The following RAD51B variants were observed in gnomAD, a reference collection of about 807,000 sequenced individuals.
RAD51B encodes the protein RAD51 paralog B.
RAD51B carries 38 observed loss-of-function variants against 42.2 expected under a neutral mutation model. The observed-to-expected ratio is 0.90, with a 90% CI of 0.70 to 1.18. RAD51B has a LOEUF of 1.18. Among genes scored for constraint, RAD51B ranks in the 50% most tolerant of loss-of-function variants. The pLI, the probability that RAD51B is intolerant of heterozygous loss-of-function variation, is 0.00. For missense variants in RAD51B, 373 were observed against 400.7 expected (o/e 0.93, Z 0.59); for synonymous variants, 154 against 145.2 (o/e 1.06, Z -0.43).
intron 9 of RAD51B, among the ~76,000 whole-genome samples, chr14:68,427,594 G>C (rs1239390440): frequency 6.6e-6 from 1 of 152,146 alleles, no homozygotes; most frequent in Non-Finnish European, 1.5e-5. Flanking sequence ...TCTATCCTAT[G>C]CCTTTCCTAT....
intron 9 of RAD51B, among the ~76,000 whole-genome samples, chr14:68,433,741 T>C (rs1252946817): frequency 6.6e-6 from 1 of 152,252 alleles, no homozygotes; most frequent in African/African-American, 2.4e-5. Flanking sequence ...CCTTCTTCTC[T>C]CAACTCGTCA....
intron 4 of RAD51B, 114 bp downstream of exon 4, chr14:67,835,310 A>G: frequency 1.3e-6 from 1 of 795,996 alleles, no homozygotes; most frequent in Non-Finnish European, 2.1e-6. Context: ...GAATTAAATT[A>G]TAAGTACTTC....
intron 7 of RAD51B, among the ~76,000 whole-genome samples, chr14:68,007,052 C>T (rs1049049158): frequency 6.6e-6 from 1 of 152,090 alleles, no homozygotes. Context: ...GCTCCTGGCA[C>T]CCTCTAATCT....
chr14:68,370,218 G>A (rs1193638799), intron 8 of RAD51B, among the ~76,000 whole-genome samples: 1 of 152,218 alleles, frequency 6.6e-6, no homozygotes, highest in African/African-American at 2.4e-5. Context: ...CCTGTTACAA[G>A]ATCTGTCTGT....
chr14:68,619,239 C>T (rs969224106), intron 10 of RAD51B, among the ~76,000 whole-genome samples: 4 of 152,120 alleles, frequency 2.6e-5, no homozygotes, highest in Admixed American at 2.6e-4. Flanking sequence ...CTTTGGGAGG[C>T]TGAGGTGGGT....
chr14:67,824,547 C>T (rs866577797), intron 2 of RAD51B, among the ~76,000 whole-genome samples: 8 of 151,926 alleles, frequency 5.3e-5, no homozygotes, highest in African/African-American at 1.7e-4. Flanking sequence ...CATGAGCCAC[C>T]GTGCCTGGCC....
At chr14:68,461,114 TAGAG>T (rs2085833686) in intron 9 of RAD51B, among the ~76,000 whole-genome samples, 1 of 151,714 alleles carries the variant, frequency 6.6e-6, no homozygotes, top group Admixed American at 6.6e-5. Flanking sequence ...AACTAATAAT[TAGAG>T]AGTACAGATA....
At chr14:67,837,120 G>A (rs1326319845) in intron 4 of RAD51B, among the ~76,000 whole-genome samples, 4 of 151,856 alleles carry the variant, frequency 2.6e-5, no homozygotes, top group East Asian at 1.9e-4. Context: ...AAATAAATGC[G>A]TGAATTAGTT....
intron 11 of RAD51B, among the ~76,000 whole-genome samples, chr14:68,680,997 A>C (rs375062031): frequency 3.9e-5 from 6 of 152,188 alleles, no homozygotes; most frequent in African/African-American, 1.4e-4. Context: ...ACAGCTGGTC[A>C]GCCCAGGAGA....
chr14:68,480,479 G>T (rs1883090159), downstream of RAD51B, among the ~76,000 whole-genome samples: 1 of 152,142 alleles, frequency 6.6e-6, no homozygotes, highest in Non-Finnish European at 1.5e-5. Flanking sequence ...CCAATATGGG[G>T]TGACTGAGAC....
At chr14:67,823,514 G>C (rs1159650525) in intron 1 of RAD51B, 28 bp from the exon 2 acceptor site, 9 of 1,593,344 alleles carry the variant, frequency 5.6e-6, no homozygotes, top group African/African-American at 1.4e-5. Context: ...TTTTTTCATG[G>C]TTCTTCTTTT....
chr14:67,905,546 A>G (rs906248356), intron 7 of RAD51B, among the ~76,000 whole-genome samples: 5 of 152,112 alleles, frequency 3.3e-5, no homozygotes, highest in African/African-American at 9.7e-5. Context: ...ATCCATGAGC[A>G]TGGAATGTTT....
intron 7 of RAD51B, among the ~76,000 whole-genome samples, chr14:67,899,937 T>C (rs552552408): frequency 6.6e-5 from 10 of 152,354 alleles, no homozygotes; most frequent in Middle Eastern, 6.8e-3. Context: ...AATGCATGTG[T>C]TCTTATTCAT....
chr14:68,002,901 A>G (rs1464460580), intron 7 of RAD51B, among the ~76,000 whole-genome samples: 1 of 152,166 alleles, frequency 6.6e-6, no homozygotes, highest in African/African-American at 2.4e-5. Flanking sequence ...CTGTTCTTGT[A>G]CCAGTACCAT....
chr14:68,554,831 G>A (rs1369038693), intron 10 of RAD51B, among the ~76,000 whole-genome samples: 1 of 150,626 alleles, frequency 6.6e-6, no homozygotes, highest in Non-Finnish European at 1.5e-5. Context: ...AATAGCAGCC[G>A]AGGTATTAGG....
rs567849819 is a variant in RAD51B, at chr14:68,673,731, C to T, written c.*11+22875C>T. On this transcript the variant is annotated intron_variant, in intron 11 of 11. Coordinates refer to the RAD51B transcript ENST00000488612. ...CTGTACACACATCTATACATGCACA[C>T]GCATACACATACTGTACACACATAT... Among the ~76,000 whole-genome samples, 698 of 152,014 alleles carry T rather than the reference C, an allele frequency of 4.6e-3. 4 individuals are homozygous for T. The highest frequency in any genetic ancestry group is 0.015 in the African/African-American group (624 of 41,424).
chr14:68,649,552 A>C (rs774149017), intron 10 of RAD51B, among the ~76,000 whole-genome samples: 7 of 152,102 alleles, frequency 4.6e-5, no homozygotes, highest in Non-Finnish European at 1.0e-4. Context: ...TTCCATTTTC[A>C]AGTCTAGGTT....
At chr14:68,352,060 A>T (rs930683833) in intron 8 of RAD51B, among the ~76,000 whole-genome samples, 2 of 152,218 alleles carry the variant, frequency 1.3e-5, no homozygotes, top group African/African-American at 4.8e-5. Context: ...GATACTAAGG[A>T]GACATACCAG....
rs542949271 is a variant in RAD51B, at chr14:68,237,793, T to C, written c.757-54091T>C. Among the ~76,000 whole-genome samples, 82 of 138,594 alleles carry C rather than the reference T, an allele frequency of 5.9e-4. 1 individual carries two copies. The highest frequency in any genetic ancestry group is 2.0e-3 in the South Asian group (9 of 4,408). 90.9% of individuals were successfully genotyped at this position (138,594 alleles called of 152,430 possible). A position where few individuals can be genotyped will look rare whatever the true frequency, so the allele number is the denominator to read the frequency against. ...GCTCTGTCACCAGGCTGGAGTGCAG[T>C]GGTGCAATCTCAGCTCACTGCAACC... On this transcript the variant is annotated intron_variant, in intron 7 of 10. Transcript: ENST00000471583.
Sources: gnomAD v4.1 joint callset for allele counts (sites outside exome capture counted in the v4.1 genomes callset) on GRCh38, gnomAD v4.1.1 for gene constraint, MANE v1.5 for transcripts, NCBI Gene and HGNC (gene_info 2026-07-23, HGNC 2026-07-21) for gene names.